Variants in PSMD5 observed in about 807,000 individuals in gnomAD.
The protein encoded by PSMD5 is proteasome 26S subunit, non-ATPase 5, also known as 26S proteasome non-ATPase regulatory subunit 5.
PSMD5 carries 40 observed loss-of-function variants against 52.1 expected under a neutral mutation model. The observed-to-expected ratio is 0.77, with a 90% CI of 0.60 to 1.00. The LOEUF (loss-of-function observed/expected upper bound fraction) is 1.00, where lower values mean the gene tolerates loss of function less well. PSMD5 is among the 50% of genes least tolerant of loss of function. The probability of loss-of-function intolerance (pLI) is 0.00; values close to 1 mark genes in which losing one functional copy is unlikely to be tolerated. For synonymous variants in PSMD5, 211 were observed against 226.6 expected (o/e 0.93, Z 0.62); for missense variants, 575 against 605.2 (o/e 0.95, Z 0.52).
At chr9:120,827,298 T>C (rs777736045) in intron 5 of PSMD5, among the ~76,000 whole-genome samples, 3 of 152,240 alleles carry the variant, frequency 2.0e-5, no homozygotes, top group South Asian at 4.1e-4. Context: ...TTGCTTTACT[T>C]ATTTCATCTC....
chr9:120,830,066 TTAGTC>T (rs2045149514), intron 4 of PSMD5, among the ~76,000 whole-genome samples: 1 of 152,040 alleles, frequency 6.6e-6, no homozygotes, highest in Admixed American at 6.5e-5. Context: ...CACCAGTAAG[TTAGTC>T]TAGGGTGGTA....
Position 120,817,956 on chromosome 9 carries a change from G to A in PSMD5, c.1465C>T (p.Pro489Ser), listed in dbSNP as rs1564473046. Residue 489 changes from proline (P) to serine (S), a missense_variant, in exon 10 of 10, where the codon CCA becomes TCA. Transcript: ENST00000210313. Reference sequence around the variant, plus strand: ...GTGGAAACAGGTTTCACATAGTATGGCCCTTCACTCAGGTAAGTTCTGAGC... The same window carrying A: ...GTGGAAACAGGTTTCACATAGTATGACCCTTCACTCAGGTAAGTTCTGAGC... ...LRLRTYLSEG[P>S]YYVKPVSTTA... 2 of 1,614,188 alleles carry A rather than the reference G, an allele frequency of 1.2e-6. No homozygotes were observed. Among genetic ancestry groups the A allele is most frequent in the Admixed American group, 1.7e-5 (1 of 60,024 alleles).
chr9:120,829,344 T>C, intron 4 of PSMD5, 136 bp from the exon 5 acceptor site: 1 of 1,125,012 alleles, frequency 8.9e-7, no homozygotes, highest in East Asian at 3.5e-5. Flanking sequence ...TTTGTCTCTT[T>C]AAGTAGAAAA....
intron 1 of PSMD5, among the ~76,000 whole-genome samples, chr9:120,837,564 C>G (rs1434017646): frequency 6.6e-6 from 1 of 152,160 alleles, no homozygotes; most frequent in Non-Finnish European, 1.5e-5. Context: ...CAAAGTCATA[C>G]ATTTTTTTTT....
At position 120,824,669 on chromosome 9, in the gene PSMD5, A is replaced by C. The variant is rs750317182; in HGVS notation, c.831T>G (p.Phe277Leu). 6.3e-6 allele frequency: 10 copies of C among 1,597,868 alleles called. No homozygotes were observed. Among genetic ancestry groups the C allele is most frequent in the Non-Finnish European group, 8.5e-6 (10 of 1,174,806 alleles). ...SFYLPGFVKF[F>L]GNLAVMDSPQ... is the part of the protein sequence containing the mutation. Reference sequence around the variant, plus strand: ...GACTATCCATGACAGCCAGGTTTCCAAAAAACTTCACGAATCCTAAAGAGA... The same window carrying C: ...GACTATCCATGACAGCCAGGTTTCCCAAAAACTTCACGAATCCTAAAGAGA... The change falls in exon 7 of 10, where the codon TTT becomes TTG. Residue 277 changes from phenylalanine (F) to leucine (L), a missense_variant. Physicochemically the swap from Phe to Leu is conservative, Grantham distance 22. Transcript: ENST00000210313.
At chr9:120,825,386 C>A (rs1327027234) in intron 6 of PSMD5, among the ~76,000 whole-genome samples, 1 of 152,042 alleles carries the variant, frequency 6.6e-6, no homozygotes, top group African/African-American at 2.4e-5. Context: ...AATCATATAT[C>A]TTTATTGTGA....
chr9:120,836,889 G>A (rs76197882), intron 1 of PSMD5, among the ~76,000 whole-genome samples: 2,859 of 146,168 alleles, frequency 0.02, 97 homozygotes, highest in African/African-American at 0.069. Flanking sequence ...TCGAAGAACC[G>A]ATTTTTTTTT....
chr9:120,832,026 C>A (rs1156733109), intron 2 of PSMD5, 81 bp from the exon 3 acceptor site: 3 of 1,528,796 alleles, frequency 2.0e-6, no homozygotes, highest in Non-Finnish European at 2.6e-6. Flanking sequence ...TTCCTTAGTG[C>A]ACAGTTATTT....
intron 9 of PSMD5, among the ~76,000 whole-genome samples, chr9:120,819,567 G>T (rs556003474): frequency 1.5e-4 from 23 of 152,218 alleles, no homozygotes; most frequent in Non-Finnish European, 2.9e-4. Flanking sequence ...AGGCGCGGTG[G>T]CTCACGCCTG....
chr9:120,842,364 C>T, intron 1 of PSMD5: 1 of 223,380 alleles, frequency 4.5e-6, no homozygotes, highest in Admixed American at 5.4e-5. Context: ...ATGGTTCTTG[C>T]CACATTGCCA....
chr9:120,830,959 C>CT (rs2131429357), intron 4 of PSMD5, among the ~76,000 whole-genome samples: 1 of 152,236 alleles, frequency 6.6e-6, no homozygotes, highest in Admixed American at 6.5e-5. Flanking sequence ...CCACGGCTCA[C>CT]TGCTGCTTCA....
At chr9:120,837,425 C>T (rs546326032) in intron 1 of PSMD5, among the ~76,000 whole-genome samples, 4 of 152,298 alleles carry the variant, frequency 2.6e-5, no homozygotes, top group South Asian at 4.1e-4. Flanking sequence ...GGAGCAATCA[C>T]AGGTCACTGT....
At chr9:120,841,724 G>T (rs185318894) in intron 1 of PSMD5, 1 of 152,248 alleles carries the variant, frequency 6.6e-6, no homozygotes, top group East Asian at 1.9e-4. Flanking sequence ...CTCTGTTAAC[G>T]GATATTTAGA....
chr9:120,818,541 T>C (rs1383451783), intron 9 of PSMD5, among the ~76,000 whole-genome samples: 1 of 151,640 alleles, frequency 6.6e-6, no homozygotes, highest in Non-Finnish European at 1.5e-5. Flanking sequence ...ATTACAACAG[T>C]GGAAAAATAA....
rs1034238295 is a variant in PSMD5 at position 120,826,767 on chromosome 9, G to A, written c.812C>T (p.Pro271Leu). Residue 271 changes from proline (P) to leucine (L), a missense_variant and splice_region_variant, in exon 6 of 10, where the codon CCA (proline) becomes CTA (leucine). Physicochemically the swap from Pro to Leu is moderately conservative, Grantham distance 98 (BLOSUM62 -3). Coordinates refer to ENST00000210313, the MANE Select transcript of PSMD5 (RefSeq NM_005047.4). ...DSDPFSSFYL[P>L]GFVKFFGNLA... Reference sequence around the variant, plus strand: ...CCATAGGCATCAGTGTTCCTTACCTGGCAGATAGAAGCTAGAGAAAGGGTC... The same window carrying A: ...CCATAGGCATCAGTGTTCCTTACCTAGCAGATAGAAGCTAGAGAAAGGGTC... The A allele has an allele frequency of 6.2e-7, 1 of 1,613,172 alleles. No homozygotes were observed. The highest frequency in any genetic ancestry group is 1.3e-5 in the African/African-American group (1 of 74,862).
chr9:120,824,293 A>C, intron 7 of PSMD5: 1 of 597,716 alleles, frequency 1.7e-6, no homozygotes, highest in South Asian at 2.0e-5. Context: ...AACCTAAACC[A>C]GTGAAAAGTC....
chr9:120,831,960 A>G lies in PSMD5; in HGVS notation c.319-15T>C. ...ATTCTTCCAATCTGAAAGAAAAACA[A>G]TCAGAAACACTCTTCTAAAGTAGGG... On this transcript the variant is annotated splice_polypyrimidine_tract_variant and intron_variant, in intron 2 of 9. Transcript: ENST00000210313. 1 of 1,610,466 alleles carries G rather than the reference A, an allele frequency of 6.2e-7. No individual in the cohort carries two copies. Among genetic ancestry groups the G allele is most frequent in the Non-Finnish European group, 8.5e-7 (1 of 1,178,926 alleles).
chr9:120,833,537 G>A lies in PSMD5; in HGVS notation c.174-81C>T, dbSNP rs1040819113. On this transcript the variant is annotated intron_variant, in intron 1 of 9. Coordinates refer to ENST00000210313, the MANE Select transcript of PSMD5 (RefSeq NM_005047.4). ...CAACCTAATAATAGCTGAAGCTTGC[G>A]TCAGCGTCTCCTCCACACAGACTTC... The A allele has an allele frequency of 2.6e-5, 36 of 1,403,756 alleles. No homozygotes were observed. In the South Asian group the frequency reaches 4.1e-4, roughly 16 times the overall value. 87.0% of individuals were successfully genotyped at this position (1,403,756 alleles called of 1,614,324 possible). A position where few individuals can be genotyped will look rare whatever the true frequency, so the allele number is the denominator to read the frequency against.
chr9:120,821,336 T>C lies in PSMD5; in HGVS notation c.1116+19A>G. The C allele has an allele frequency of 6.9e-7, 1 of 1,456,910 alleles. No individual in the cohort carries two copies. The highest frequency in any genetic ancestry group is 9.4e-7 in the Non-Finnish European group (1 of 1,061,510). The allele number at this position is 1,456,910 out of a possible 1,614,324, so 90.2% of individuals were successfully genotyped here. ...CCAAACATATCCCACTGTCCTTCATTATTTCCCTACCTACTTACTGGTAAG... is the reference window on the plus strand; with the variant it reads ...CCAAACATATCCCACTGTCCTTCATCATTTCCCTACCTACTTACTGGTAAG... On this transcript the variant is annotated intron_variant, in intron 8 of 9. Transcript: ENST00000210313.
Sources: gnomAD v4.1 joint callset for allele counts (sites outside exome capture counted in the v4.1 genomes callset) on GRCh38, gnomAD v4.1.1 for gene constraint, MANE v1.5 for transcripts, NCBI Gene and HGNC (gene_info 2026-07-23, HGNC 2026-07-21) for gene names.